Variants in TSHR observed in about 807,000 individuals in gnomAD.
The protein encoded by TSHR is thyroid stimulating hormone receptor.
Under a neutral mutation model 64.1 loss-of-function variants are expected in TSHR, and 51 were observed. The observed-to-expected ratio is 0.80, with a 90% confidence interval of 0.64 to 1.01. The LOEUF (loss-of-function observed/expected upper bound fraction) is 1.01, where lower values mean the gene tolerates loss of function less well. TSHR is among the 50% of genes least tolerant of loss of function. The pLI is 0.00. For missense variants in TSHR, 877 were observed against 942.8 expected, an observed-to-expected ratio of 0.93 and a Z score of 0.91; for synonymous variants, 361 against 361.9, an observed-to-expected ratio of 1.00 and a Z score of 0.03.
chr14:80,966,855 C>T (rs1887322772), intron 1 of TSHR, among the ~76,000 whole-genome samples: 1 of 152,132 alleles, frequency 6.6e-6, no homozygotes, highest in Non-Finnish European at 1.5e-5. Flanking sequence ...AGGGCTGCTT[C>T]CTGGTTTGCA....
intron 8 of TSHR, among the ~76,000 whole-genome samples, chr14:81,129,663 T>C (rs1891157343): frequency 6.6e-6 from 1 of 152,230 alleles, no homozygotes; most frequent in Non-Finnish European, 1.5e-5. Flanking sequence ...GTCCACTTGA[T>C]CACCTTGATT....
At chr14:81,061,551 C>A (rs756477352) in intron 1 of TSHR, among the ~76,000 whole-genome samples, 5 of 152,058 alleles carry the variant, frequency 3.3e-5, no homozygotes, top group Non-Finnish European at 7.4e-5. Flanking sequence ...GAACAGAAAA[C>A]AAAATACCAC....
intron 2 of TSHR, among the ~76,000 whole-genome samples, chr14:81,067,686 GA>G (rs1886731600): frequency 6.7e-6 from 1 of 148,738 alleles, no homozygotes; most frequent in Non-Finnish European, 1.5e-5. Flanking sequence ...AATTATCCTA[GA>G]CCAGGTCTTG....
chr14:80,993,516 T>C (rs1888853338), intron 1 of TSHR: 1 of 152,220 alleles, frequency 6.6e-6, no homozygotes, highest in Non-Finnish European at 1.5e-5. Flanking sequence ...CAGTAAAGTT[T>C]TTGAACAGGT....
intron 7 of TSHR, among the ~76,000 whole-genome samples, chr14:81,097,512 T>C (rs1032081350): frequency 2.6e-5 from 4 of 152,174 alleles, no homozygotes; most frequent in African/African-American, 9.7e-5. Context: ...GCTCTGGATT[T>C]GGCCTCGGGA....
chr14:81,020,566 G>A (rs567834362), intron 1 of TSHR, among the ~76,000 whole-genome samples: 14 of 152,334 alleles, frequency 9.2e-5, no homozygotes, highest in Admixed American at 3.9e-4. Flanking sequence ...CTGAGGCAGC[G>A]ATGCTAGCAC....
At chr14:81,093,115 A>G (rs1179159180) in intron 6 of TSHR, among the ~76,000 whole-genome samples, 3 of 152,062 alleles carry the variant, frequency 2.0e-5, no homozygotes, top group Non-Finnish European at 4.4e-5. Context: ...TCACTGAGTT[A>G]AAAAAAAGTG....
intron 1 of TSHR, among the ~76,000 whole-genome samples, chr14:80,973,479 T>C (rs1887705603): frequency 6.8e-6 from 1 of 147,902 alleles, no homozygotes; most frequent in African/African-American, 2.5e-5. Flanking sequence ...TACTTTCCCG[T>C]GTCGAAAGGT....
At chr14:81,108,737 G>A (rs1255557484) in intron 8 of TSHR, 1 of 1,612,044 alleles carries the variant, frequency 6.2e-7, no homozygotes, top group Non-Finnish European at 8.5e-7. Flanking sequence ...TGTTCATGGA[G>A]CAGCTGCTGT....
At position 81,143,961 on chromosome 14, in the gene TSHR, A is replaced by C. The variant is rs772262589; in HGVS notation, c.1903A>C (p.Ile635Leu). The C allele has an allele frequency of 6.2e-7, 1 of 1,614,194 alleles. No homozygotes were observed. The highest frequency in any genetic ancestry group is 8.5e-7 in the Non-Finnish European group (1 of 1,180,028). The change falls in exon 10 of 10, where the codon ATA (isoleucine) becomes CTA (leucine). Residue 635 changes from isoleucine to leucine, a missense_variant. Coordinates refer to ENST00000298171, the MANE Select transcript of TSHR (RefSeq NM_000369.5). ...GGCTGTGTTGATCTTCACCGACTTCATATGCATGGCCCCAATCTCATTCTA... is the reference window on the plus strand; with the variant it reads ...GGCTGTGTTGATCTTCACCGACTTCCTATGCATGGCCCCAATCTCATTCTA... ...RMAVLIFTDF[I>L]CMAPISFYAL... is the part of the protein sequence containing the mutation.
rs189084497 is a variant in TSHR at position 81,145,933 on chromosome 14, A to G, written c.*1580A>G. The G allele has an allele frequency of 4.4e-3, 1,024 of 232,352 alleles. 13 individuals carry two copies. The highest frequency in any genetic ancestry group is 0.02 in the Middle Eastern group (16 of 784). 14.4% of individuals were successfully genotyped at this position (232,352 alleles called of 1,614,324 possible). On this transcript the variant is annotated 3_prime_UTR_variant, in exon 10 of 10. Coordinates refer to ENST00000298171, the MANE Select transcript of TSHR (RefSeq NM_000369.5). ...AGCTCTTTGTTGTTTTAAGATTGTG[A>G]AGTGTCGTTAATGGGTCCCCACAGA...
Position 81,091,072 on chromosome 14 carries a change from C to A in TSHR, c.396C>A (p.Gly132=), listed in dbSNP as rs766654282. 1 of 1,610,844 alleles carries A rather than the reference C, an allele frequency of 6.2e-7. No homozygotes were observed. The highest frequency in any genetic ancestry group is 8.5e-7 in the Non-Finnish European group (1 of 1,179,250). Residue 132 remains glycine, a synonymous_variant, in exon 5 of 10, where the codon GGC becomes GGA. Transcript: ENST00000298171. ...TCTCTTTTTTTCATTAATTTAGTGG[C>A]ATTTTCAACACTGGACTTAAAATGT... ...LKELPLLKFL[G]IFNTGLKMFP... is the part of the protein sequence containing the mutation.
intron 1 of TSHR, among the ~76,000 whole-genome samples, chr14:81,001,998 A>C (rs1476545092): frequency 1.3e-5 from 2 of 152,174 alleles, no homozygotes; most frequent in Admixed American, 1.3e-4. Flanking sequence ...TCCAAAATTC[A>C]AACAGCTCTG....
At chr14:81,026,972 G>A (rs540953176) in intron 1 of TSHR, among the ~76,000 whole-genome samples, 9 of 150,388 alleles carry the variant, frequency 6.0e-5, no homozygotes, top group East Asian at 1.9e-4. Flanking sequence ...GGAGGCGGAG[G>A]TTGCAGTGAG....
At chr14:80,982,371 G>C in intron 1 of TSHR, 1 of 1,259,502 alleles carries the variant, frequency 7.9e-7, no homozygotes, top group Non-Finnish European at 1.1e-6. Flanking sequence ...ATGGAGAAGA[G>C]GCTGGTAATC....
At chr14:80,976,422 C>T (rs1887878543) in intron 1 of TSHR, among the ~76,000 whole-genome samples, 1 of 152,170 alleles carries the variant, frequency 6.6e-6, no homozygotes, top group Non-Finnish European at 1.5e-5. Context: ...CATCTCTCTT[C>T]CACTGTTCAT....
At chr14:81,019,631 C>G (rs1478321618) in intron 1 of TSHR, among the ~76,000 whole-genome samples, 1 of 151,626 alleles carries the variant, frequency 6.6e-6, no homozygotes, top group African/African-American at 2.4e-5. Context: ...CCCAACAGGC[C>G]CCGGTGTGTG....
At chr14:81,003,964 A>G (rs777219816) in intron 1 of TSHR, among the ~76,000 whole-genome samples, 5 of 152,162 alleles carry the variant, frequency 3.3e-5, no homozygotes, top group African/African-American at 4.8e-5. Context: ...GCTTGTACTA[A>G]CTATCATGTA....
At chr14:80,982,078 C>T (rs753859540) in intron 1 of TSHR, 54 of 501,916 alleles carry the variant, frequency 1.1e-4, no homozygotes, top group Admixed American at 3.6e-4. Flanking sequence ...AGGGAGGCTA[C>T]GGGTGTGGTT....
Sources: allele counts gnomAD v4.1 joint callset (sites outside exome capture counted in the v4.1 genomes callset), GRCh38; gene constraint gnomAD v4.1.1; transcripts MANE v1.5; gene names NCBI Gene and HGNC (gene_info 2026-07-23, HGNC 2026-07-21).